MEF2C: variants seen among roughly 807,000 people sequenced by gnomAD.
The protein encoded by MEF2C is myocyte-specific enhancer factor 2C.
A neutral mutation model predicts 50.5 loss-of-function variants in MEF2C; 6 were observed. That is an observed-to-expected ratio of 0.12 (90% CI 0.07 to 0.23). The LOEUF (loss-of-function observed/expected upper bound fraction) is 0.23. MEF2C is among the 10% of genes least tolerant of loss of function. The pLI, the probability that MEF2C is intolerant of heterozygous loss-of-function variation, is 1.00. For missense variants in MEF2C, 276 were observed against 605.0 expected (o/e 0.46, Z 5.70); for synonymous variants, 183 against 228.0 (o/e 0.80, Z 1.78).
chr5:88,826,534 A>G (rs1187437639), intron 1 of MEF2C, among the ~76,000 whole-genome samples: 3 of 151,978 alleles, frequency 2.0e-5, no homozygotes, highest in African/African-American at 7.2e-5. Flanking sequence ...GCTGTCACTA[A>G]AAATTTAAAG....
intron 1 of MEF2C, among the ~76,000 whole-genome samples, chr5:88,870,882 T>C (rs1408233740): frequency 1.3e-5 from 2 of 152,124 alleles, no homozygotes; most frequent in Non-Finnish European, 2.9e-5. Flanking sequence ...TTTTGAATTA[T>C]GTGGGTATTG....
At chr5:88,779,841 A>C (rs943664428) in intron 3 of MEF2C, among the ~76,000 whole-genome samples, 6 of 151,502 alleles carry the variant, frequency 4.0e-5, no homozygotes, top group African/African-American at 1.5e-4. Flanking sequence ...CCTAATCATA[A>C]TATAAGAATT....
At chr5:88,901,097 G>A (rs1485803695) in intron 1 of MEF2C, among the ~76,000 whole-genome samples, 1 of 151,954 alleles carries the variant, frequency 6.6e-6, no homozygotes, top group East Asian at 1.9e-4. Flanking sequence ...AAGGGAAAAG[G>A]GATCAATAAG....
At chr5:88,855,359 G>A (rs1822909666) in intron 1 of MEF2C, among the ~76,000 whole-genome samples, 1 of 152,002 alleles carries the variant, frequency 6.6e-6, no homozygotes, top group Non-Finnish European at 1.5e-5. Context: ...ACAACATACA[G>A]TAATAAGATG....
At chr5:88,739,844 T>C (rs1765757601) in intron 6 of MEF2C, 1 of 985,216 alleles carries the variant, frequency 1.0e-6, no homozygotes, top group African/African-American at 1.7e-5. Context: ...TTCAATATGC[T>C]TAATGTAGAA....
chr5:88,725,347 C>G (rs1306044506), intron 10 of MEF2C, among the ~76,000 whole-genome samples: 5 of 152,040 alleles, frequency 3.3e-5, no homozygotes, highest in African/African-American at 1.2e-4. Flanking sequence ...ATCTTAGATT[C>G]AGCTTCATTA....
chr5:88,744,050 T>C, intron 6 of MEF2C: 1 of 975,598 alleles, frequency 1.0e-6, no homozygotes, highest in Admixed American at 6.1e-5. Context: ...ATCTCAACTA[T>C]GAATCAATAA....
Position 88,727,998 on chromosome 5 carries a change from T to C in MEF2C, c.1100+495A>G, listed in dbSNP as rs1292060345. ...GTATTATATGTACTAGTTAGTATTA[T>C]ATACATATATTTCTTAAAATATCTA... is the stretch of plus-strand genomic sequence containing the variant. On this transcript the variant is annotated intron_variant, in intron 10 of 10. Coordinates refer to ENST00000504921, the MANE Select transcript of MEF2C (RefSeq NM_002397.5). 6.6e-5 allele frequency among the ~76,000 whole-genome samples: 10 copies of C among 151,950 alleles called. No individual in the cohort carries two copies. The East Asian group carries it at 1.7e-3, about 26-fold the overall frequency.
chr5:88,821,338 C>T (rs796172042), intron 2 of MEF2C, among the ~76,000 whole-genome samples: 5 of 152,092 alleles, frequency 3.3e-5, no homozygotes, highest in African/African-American at 1.2e-4. Context: ...AACATGATCA[C>T]GGCTCACTGC....
rs1039223990 is a variant in MEF2C at position 88,873,056 on chromosome 5, T to A, written c.-143+9899A>T. Among the ~76,000 whole-genome samples the A allele has an allele frequency of 1.1e-4, 16 of 151,234 alleles. No homozygotes were observed. The South Asian group carries it at 2.3e-3, about 22-fold the overall frequency. ...CGATGCTCCCCACACCGTACACACATACACACACACACACTCACACCGTTG... is the reference window on the plus strand; with the variant it reads ...CGATGCTCCCCACACCGTACACACAAACACACACACACACTCACACCGTTG... On this transcript the variant is annotated intron_variant, in intron 1 of 10. Coordinates refer to ENST00000504921, the MANE Select transcript of MEF2C (RefSeq NM_002397.5).
Position 88,819,422 on chromosome 5 carries a change from C to T in MEF2C, c.54+4313G>A, listed in dbSNP as rs890813216. ...GCGATATCTGGGTCCTGTCTAACAT[C>T]CAATCTTTTCTCTCATTTCTCTACA... On this transcript the variant is annotated intron_variant, in intron 2 of 10. Coordinates refer to ENST00000504921, the MANE Select transcript of MEF2C (RefSeq NM_002397.5). The T allele has an allele frequency of 9.2e-6, 9 of 975,454 alleles. No homozygotes were observed. The African/African-American group carries it at 1.6e-4, about 17-fold the overall frequency. 60.4% of individuals were successfully genotyped at this position (975,454 alleles called of 1,614,324 possible). A position where few individuals can be genotyped will look rare whatever the true frequency, so the allele number is the denominator to read the frequency against.
intron 3 of MEF2C, among the ~76,000 whole-genome samples, chr5:88,783,400 T>C (rs2152896867): frequency 6.6e-6 from 1 of 152,230 alleles, no homozygotes; most frequent in Admixed American, 6.5e-5. Context: ...AGGCCGAGGC[T>C]GGCGGATCAC....
intron 3 of MEF2C, among the ~76,000 whole-genome samples, chr5:88,791,808 T>C (rs1316934408): frequency 2.6e-5 from 4 of 152,028 alleles, no homozygotes; most frequent in Non-Finnish European, 5.9e-5. Context: ...TTTAAAGATA[T>C]ATAAACAAAA....
At chr5:88,866,317 G>A (rs1049893318) in intron 1 of MEF2C, among the ~76,000 whole-genome samples, 2 of 152,236 alleles carry the variant, frequency 1.3e-5, no homozygotes, top group African/African-American at 4.8e-5. Context: ...GGAAGCAAAT[G>A]TAGTTACTAA....
chr5:88,885,543 C>G (rs551236262), upstream of MEF2C, among the ~76,000 whole-genome samples: 5 of 152,266 alleles, frequency 3.3e-5, no homozygotes, highest in East Asian at 9.6e-4. Flanking sequence ...TTGCCATTAC[C>G]ATGAATTCAT....
At chr5:88,767,275 A>T (rs556589647) in intron 3 of MEF2C, among the ~76,000 whole-genome samples, 1 of 152,348 alleles carries the variant, frequency 6.6e-6, no homozygotes, top group Non-Finnish European at 1.5e-5. Context: ...ATAACATTGT[A>T]TGGTTTTTGC....
chr5:88,859,559 G>A (rs1252975413), intron 1 of MEF2C, among the ~76,000 whole-genome samples: 3 of 152,196 alleles, frequency 2.0e-5, no homozygotes, highest in Admixed American at 6.5e-5. Context: ...ATAGCAAGAG[G>A]AAAGCATTAA....
At chr5:88,856,910 C>T (rs1823629211) in intron 1 of MEF2C, among the ~76,000 whole-genome samples, 3 of 152,220 alleles carry the variant, frequency 2.0e-5, no homozygotes, top group Admixed American at 6.5e-5. Flanking sequence ...ATCTGTGTTT[C>T]CACTGGGGCA....
chr5:88,866,553 GGT>G (rs1308673012), intron 1 of MEF2C, among the ~76,000 whole-genome samples: 1 of 152,060 alleles, frequency 6.6e-6, no homozygotes, highest in Non-Finnish European at 1.5e-5. Context: ...TGTTTCTCAT[GGT>G]AAAAATTCTA....
Sources: allele counts gnomAD v4.1 joint callset (sites outside exome capture counted in the v4.1 genomes callset), GRCh38; gene constraint gnomAD v4.1.1; transcripts MANE v1.5; gene names NCBI Gene and HGNC (gene_info 2026-07-23, HGNC 2026-07-21).